MSRA: variants seen among roughly 807,000 people sequenced by gnomAD.
The protein encoded by MSRA is methionine sulfoxide reductase A.
MSRA carries 54 observed loss-of-function variants against 31.3 expected under a neutral mutation model. That is an observed-to-expected ratio of 1.73 (90% CI 1.39 to 2.17). MSRA has a LOEUF of 2.17. Ranked by LOEUF, MSRA falls within the 30% of genes most tolerant of loss-of-function variation. MSRA has a pLI of 0.00. For synonymous variants in MSRA, 169 were observed against 116.5 expected, an observed-to-expected ratio of 1.45 and a Z score of -2.90; for missense variants, 507 against 300.9, an observed-to-expected ratio of 1.69 and a Z score of -5.07.
chr8:10,065,391 T>C (rs185708474), intron 1 of MSRA, among the ~76,000 whole-genome samples: 3 of 152,354 alleles, frequency 2.0e-5, no homozygotes, highest in African/African-American at 4.8e-5. Context: ...ATGTTTTTTT[T>C]CTTCAGGCTT....
rs1809350916 is a variant in MSRA at position 10,428,612 on chromosome 8, G to A, written c.*300G>A. The stretch of plus-strand genomic sequence containing the variant: ...CTTCTTGGTAGAAGCTAAGGTGTGA[G>A]CTGGGAGGTTGCTGGACAGGATGGG... On this transcript the variant is annotated 3_prime_UTR_variant, in exon 6 of 6. Coordinates refer to ENST00000317173, the MANE Select transcript of MSRA (RefSeq NM_012331.5). The A allele has an allele frequency of 2.8e-6, 1 of 353,534 alleles. No individual in the cohort carries two copies. 21.9% of individuals were successfully genotyped at this position (353,534 alleles called of 1,614,324 possible).
chr8:10,410,928 C>G (rs1401017104), intron 5 of MSRA, among the ~76,000 whole-genome samples: 3 of 152,178 alleles, frequency 2.0e-5, no homozygotes, highest in Non-Finnish European at 2.9e-5. Flanking sequence ...TATGCTTTGG[C>G]AAAGAACACC....
At chr8:10,425,689 C>G (rs906015683) in intron 5 of MSRA, among the ~76,000 whole-genome samples, 1 of 152,222 alleles carries the variant, frequency 6.6e-6, no homozygotes, top group African/African-American at 2.4e-5. Flanking sequence ...GAGCGAGGCC[C>G]GTCTCAGCAG....
chr8:10,397,679 C>T (rs534371452), intron 5 of MSRA, among the ~76,000 whole-genome samples: 2 of 152,310 alleles, frequency 1.3e-5, no homozygotes, highest in South Asian at 2.1e-4. Context: ...AAAATCATTT[C>T]GTCTTCTACC....
At chr8:10,278,213 C>G (rs1179057215) in intron 3 of MSRA, among the ~76,000 whole-genome samples, 2 of 152,126 alleles carry the variant, frequency 1.3e-5, no homozygotes, top group Admixed American at 6.5e-5. Context: ...GCCACTTGGT[C>G]TGAGTAGAAG....
intron 5 of MSRA, among the ~76,000 whole-genome samples, chr8:10,409,717 C>T (rs1232033904): frequency 2.6e-5 from 4 of 152,234 alleles, no homozygotes; most frequent in Non-Finnish European, 5.9e-5. Context: ...CCTTGTCTCC[C>T]AGAAACACAG....
intron 1 of MSRA, among the ~76,000 whole-genome samples, chr8:10,163,884 C>G (rs533492421): frequency 6.6e-6 from 1 of 152,208 alleles, no homozygotes; most frequent in Non-Finnish European, 1.5e-5. Context: ...TCGGCATTGT[C>G]GGCTGTTGCT....
chr8:10,153,775 C>G (rs1049724502), intron 1 of MSRA, among the ~76,000 whole-genome samples: 1 of 152,138 alleles, frequency 6.6e-6, no homozygotes, highest in African/African-American at 2.4e-5. Context: ...GGAAGCCGTG[C>G]AACAGCTTCA....
chr8:10,202,649 G>T (rs1251698411), intron 1 of MSRA, among the ~76,000 whole-genome samples: 4 of 152,224 alleles, frequency 2.6e-5, no homozygotes, highest in African/African-American at 9.6e-5. Flanking sequence ...GGGCATGGTC[G>T]TGGAGGGGAG....
At chr8:10,267,232 C>T (rs1332219997) in intron 3 of MSRA, among the ~76,000 whole-genome samples, 1 of 152,198 alleles carries the variant, frequency 6.6e-6, no homozygotes, top group Non-Finnish European at 1.5e-5. Flanking sequence ...AATTATGTCT[C>T]TGGACGGCTA....
intron 1 of MSRA, among the ~76,000 whole-genome samples, chr8:10,148,197 T>G (rs904836950): frequency 1.3e-5 from 2 of 152,166 alleles, no homozygotes; most frequent in Non-Finnish European, 1.5e-5. Context: ...CAAGGATGGG[T>G]GGGATGAACC....
chr8:10,116,506 G>A (rs1235337253), intron 1 of MSRA, among the ~76,000 whole-genome samples: 1 of 152,176 alleles, frequency 6.6e-6, no homozygotes, highest in African/African-American at 2.4e-5. Context: ...CAAAGAGGTG[G>A]TCCTTGCCCT....
chr8:10,366,042 G>GTGA (rs1469668763), intron 5 of MSRA, among the ~76,000 whole-genome samples: 1 of 152,260 alleles, frequency 6.6e-6, no homozygotes, highest in African/African-American at 2.4e-5. Context: ...TAGGCAGGAA[G>GTGA]TGATGTCCAT....
chr8:10,392,151 A>G lies in MSRA; in HGVS notation c.544-35997A>G, dbSNP rs559946836. Among the ~76,000 whole-genome samples the G allele has an allele frequency of 1.1e-4, 16 of 152,188 alleles. 1 individual carries two copies. In the South Asian group the frequency reaches 2.3e-3, roughly 22 times the overall value. On this transcript the variant is annotated intron_variant, in intron 5 of 5. Transcript: ENST00000317173. The stretch of plus-strand genomic sequence containing the variant: ...TGAGAATGGAGCTTTCTGTGTGGCA[A>G]TGAACATGGACTTGAAACCTGCTAG...
intron 5 of MSRA, among the ~76,000 whole-genome samples, chr8:10,390,830 T>C (rs1349519484): frequency 6.6e-6 from 1 of 151,938 alleles, no homozygotes; most frequent in African/African-American, 2.4e-5. Context: ...AAAAAAATTA[T>C]CTGGGCGCGG....
At chr8:10,316,210 T>A (rs1801701058) in intron 4 of MSRA, among the ~76,000 whole-genome samples, 1 of 151,154 alleles carries the variant, frequency 6.6e-6, no homozygotes, top group African/African-American at 2.4e-5. Flanking sequence ...ATATCTTTCA[T>A]ACATCCCTAT....
intron 3 of MSRA, among the ~76,000 whole-genome samples, chr8:10,283,868 C>CAT (rs1554515751): frequency 5.3e-5 from 7 of 132,066 alleles, no homozygotes; most frequent in Non-Finnish European, 9.7e-5. Flanking sequence ...CACACACACA[C>CAT]ATATATATTA....
At chr8:10,371,358 G>T (rs1182951882) in intron 5 of MSRA, among the ~76,000 whole-genome samples, 1 of 151,998 alleles carries the variant, frequency 6.6e-6, no homozygotes, top group Non-Finnish European at 1.5e-5. Flanking sequence ...AGTGTCCTCA[G>T]TCCCCAAACC....
intron 1 of MSRA, among the ~76,000 whole-genome samples, chr8:10,097,212 A>C (rs1318345226): frequency 6.6e-6 from 1 of 152,220 alleles, no homozygotes; most frequent in Non-Finnish European, 1.5e-5. Flanking sequence ...GAGGTGTTTG[A>C]ACAGTTAAGC....
Sources: allele counts gnomAD v4.1 joint callset (sites outside exome capture counted in the v4.1 genomes callset), GRCh38; gene constraint gnomAD v4.1.1; transcripts MANE v1.5; gene names NCBI Gene and HGNC (gene_info 2026-07-23, HGNC 2026-07-21).